MTF2: variants seen among roughly 807,000 people sequenced by gnomAD.
MTF2 encodes the protein metal response element binding transcription factor 2, also known as metal-response element-binding transcription factor 2.
MTF2 carries 11 observed loss-of-function variants against 79.5 expected under a neutral mutation model. The ratio of observed to expected loss-of-function variants is 0.14; its 90% confidence interval spans 0.09 to 0.23. MTF2 has a LOEUF of 0.23. Among genes scored for constraint, MTF2 ranks in the 10% least tolerant of loss-of-function variants. The pLI, the probability that MTF2 is intolerant of heterozygous loss-of-function variation, is 1.00. For missense variants in MTF2, 486 were observed against 711.2 expected, an observed-to-expected ratio of 0.68 and a Z score of 3.60; for synonymous variants, 208 against 232.8, an observed-to-expected ratio of 0.89 and a Z score of 0.97.
In MTF2 at chr1:93,133,980, G is replaced by T; in HGVS notation, c.1319G>T (p.Gly440Val). The T allele has an allele frequency of 1.3e-6, 2 of 1,572,906 alleles. No homozygotes were observed. The highest frequency in any genetic ancestry group is 2.3e-5 in the South Asian group (2 of 87,046). The change falls in exon 13 of 15, where the codon GGG becomes GTG. Residue 440 changes from glycine to valine, a missense_variant and splice_region_variant. Transcript: ENST00000370298. ...NPTLDLPCSI[G>V]RTEGTAHSSN... ...ACTTTGGATTTACCTTGTTCTATAG[G>T]GTAAATAGAAAGTTATTTTCTCCCT...
chr1:93,128,051 G>C (rs1656770312), intron 10 of MTF2, among the ~76,000 whole-genome samples: 1 of 151,884 alleles, frequency 6.6e-6, no homozygotes, highest in Non-Finnish European at 1.5e-5. Context: ...CTTTACACCA[G>C]CTCAAAAAGC....
intron 5 of MTF2, 57 bp from the exon 6 acceptor site, chr1:93,115,413 G>A: frequency 3.0e-6 from 3 of 1,008,416 alleles, no homozygotes; most frequent in Non-Finnish European, 4.3e-6. Flanking sequence ...TTAAAGTATA[G>A]AATTGTGTTT....
At chr1:93,102,593 A>G (rs1655591743) in intron 1 of MTF2, among the ~76,000 whole-genome samples, 1 of 151,216 alleles carries the variant, frequency 6.6e-6, no homozygotes, top group Non-Finnish European at 1.5e-5. Flanking sequence ...CCCTGTCTCA[A>G]AAAAAAAATT....
At chr1:93,079,633 A>C in intron 1 of MTF2, 102 bp downstream of exon 1, 482 of 1,050,526 alleles carry the variant, frequency 4.6e-4, no homozygotes, top group Non-Finnish European at 6.2e-4. Flanking sequence ...TGGAGGACCA[A>C]GGTGGGGGTG....
chr1:93,096,065 A>G (rs1288201507), intron 1 of MTF2, among the ~76,000 whole-genome samples: 2 of 152,142 alleles, frequency 1.3e-5, no homozygotes, highest in Non-Finnish European at 2.9e-5. Context: ...CTCATTCCTC[A>G]TTGTTCTTTC....
intron 3 of MTF2, 62 bp downstream of exon 3, chr1:93,110,688 CATATT>C: frequency 7.7e-7 from 1 of 1,306,960 alleles, no homozygotes; most frequent in South Asian, 1.2e-5. Flanking sequence ...TTCAACTTGT[CATATT>C]ATGATGTTGT....
At chr1:93,134,836 A>T (rs1429580100) in intron 14 of MTF2, among the ~76,000 whole-genome samples, 14 of 6,992 alleles carry the variant, frequency 2.0e-3, no homozygotes, top group African/African-American at 4.9e-3. Flanking sequence ...GATTTGATTA[A>T]AAAAAAAAAA....
chr1:93,132,418 T>C (rs184775743), intron 11 of MTF2, among the ~76,000 whole-genome samples: 1 of 152,334 alleles, frequency 6.6e-6, no homozygotes, highest in African/African-American at 2.4e-5. Flanking sequence ...TTGTGGTAGC[T>C]ATCAGGTCAT....
chr1:93,102,955 C>A (rs2101044583), intron 1 of MTF2, among the ~76,000 whole-genome samples: 1 of 152,002 alleles, frequency 6.6e-6, no homozygotes, highest in African/African-American at 2.4e-5. Context: ...CATAGTGAAA[C>A]CCTGTCTTTG....
At chr1:93,109,490 C>T (rs1291475292) in intron 1 of MTF2, among the ~76,000 whole-genome samples, 3 of 152,088 alleles carry the variant, frequency 2.0e-5, no homozygotes, top group Admixed American at 6.6e-5. Flanking sequence ...TGTACCACCA[C>T]GCCCGGCTAA....
intron 14 of MTF2, 122 bp downstream of exon 14, chr1:93,134,317 T>C: frequency 4.3e-6 from 3 of 702,808 alleles, no homozygotes; most frequent in Non-Finnish European, 7.1e-6. Flanking sequence ...TATCAGCTTT[T>C]TGAGAGGTAA....
chr1:93,118,210 G>C (rs1656329204), intron 6 of MTF2, 135 bp from the exon 7 acceptor site: 2 of 482,142 alleles, frequency 4.1e-6, no homozygotes. Flanking sequence ...TTTACAGTAA[G>C]TATAGTAGAA....
At chr1:93,099,004 T>C (rs1289855324) in intron 1 of MTF2, among the ~76,000 whole-genome samples, 1 of 152,160 alleles carries the variant, frequency 6.6e-6, no homozygotes, top group Non-Finnish European at 1.5e-5. Flanking sequence ...TTGTCTATAT[T>C]GTAAACAGAT....
intron 1 of MTF2, among the ~76,000 whole-genome samples, chr1:93,105,546 A>G (rs1429991634): frequency 2.6e-5 from 4 of 152,228 alleles, no homozygotes; most frequent in Non-Finnish European, 5.9e-5. Context: ...TCATCTGCAA[A>G]AATATCTCTA....
At chr1:93,099,326 A>C (rs1464016500) in intron 1 of MTF2, among the ~76,000 whole-genome samples, 4 of 152,206 alleles carry the variant, frequency 2.6e-5, no homozygotes, top group African/African-American at 7.2e-5. Context: ...AAAACAAATG[A>C]AAGGATTTAC....
rs1439627435 is a variant in MTF2 at position 93,126,551 on chromosome 1, AAT to A, written c.922-678_922-677del. Among the ~76,000 whole-genome samples the A allele has an allele frequency of 2.0e-5, 3 of 151,970 alleles. No homozygotes were observed. In the East Asian group the frequency reaches 5.8e-4, roughly 29 times the overall value. On this transcript the variant is annotated intron_variant, in intron 9 of 14. Transcript: ENST00000370298. ...TTTTGTAATTTAAGATTTCTTTGCT[AAT>A]ATGCCTTAGTCAAGAAGAGGCAGAA...
Position 93,120,546 on chromosome 1 carries a change from C to A in MTF2, c.798-3C>A. On this transcript the variant is annotated splice_polypyrimidine_tract_variant and splice_region_variant and intron_variant, in intron 8 of 14. Transcript: ENST00000370298. Reference sequence around the variant, plus strand: ...TGTGTATTTGATTATTTTCGGATTCCAGGGTAGATATAGCACACCTATGCC... The same window carrying A: ...TGTGTATTTGATTATTTTCGGATTCAAGGGTAGATATAGCACACCTATGCC... 6.4e-7 allele frequency: 1 copy of A among 1,567,248 alleles called. No homozygotes were observed. Among genetic ancestry groups the A allele is most frequent in the Non-Finnish European group, 8.6e-7 (1 of 1,162,316 alleles).
chr1:93,097,147 C>T (rs1456982371), intron 1 of MTF2, among the ~76,000 whole-genome samples: 2 of 152,042 alleles, frequency 1.3e-5, no homozygotes, highest in Non-Finnish European at 2.9e-5. Flanking sequence ...TTTTAAGTTA[C>T]CTTTTTATTG....
chr1:93,090,043 C>T (rs764074560), intron 1 of MTF2, among the ~76,000 whole-genome samples: 32 of 152,268 alleles, frequency 2.1e-4, no homozygotes, highest in Non-Finnish European at 3.5e-4. Flanking sequence ...GTAGCACGAT[C>T]TCGGCTCACT....
Sources: allele counts gnomAD v4.1 joint callset (sites outside exome capture counted in the v4.1 genomes callset), GRCh38; gene constraint gnomAD v4.1.1; transcripts MANE v1.5; gene names NCBI Gene and HGNC (gene_info 2026-07-23, HGNC 2026-07-21).